The following TTC16 variants were observed in gnomAD, a reference collection of about 807,000 sequenced individuals.
The protein encoded by TTC16 is tetratricopeptide repeat protein 16.
Under a neutral mutation model 80.4 loss-of-function variants are expected in TTC16, and 66 were observed. That is an observed-to-expected ratio of 0.82 (90% confidence interval 0.67 to 1.01). The LOEUF (loss-of-function observed/expected upper bound fraction) is 1.01, where lower values mean the gene tolerates loss of function less well. Ranked by LOEUF, TTC16 falls within the 50% of genes least tolerant of loss-of-function variation. The pLI, the probability that TTC16 is intolerant of heterozygous loss-of-function variation, is 0.00. For missense variants in TTC16, 1,070 were observed against 1,103.2 expected (o/e 0.97, Z 0.43); for synonymous variants, 438 against 451.3 (o/e 0.97, Z 0.37).
chr9:127,719,633 C>G (rs1345897777), intron 4 of TTC16, among the ~76,000 whole-genome samples: 1 of 152,188 alleles, frequency 6.6e-6, no homozygotes, highest in Non-Finnish European at 1.5e-5. Flanking sequence ...GCTGGGATTA[C>G]AGGCATGCAC....
At chr9:127,723,536 C>T (rs1043519499) in intron 7 of TTC16, among the ~76,000 whole-genome samples, 10 of 152,244 alleles carry the variant, frequency 6.6e-5, no homozygotes, top group Admixed American at 6.5e-4. Context: ...ACACATGTCT[C>T]AGTTACCCCA....
rs557511727 is a variant in TTC16 at position 127,730,478 on chromosome 9, C to T, written c.1853-158C>T. On this transcript the variant is annotated intron_variant, in intron 13 of 13. Coordinates refer to ENST00000373289, the MANE Select transcript of TTC16 (RefSeq NM_144965.3). ...CAGCCCCACCCCTCAGGGTCTGGGT[C>T]GCTGGGGGCTGGGCGGGGGTGATCT... The T allele has an allele frequency of 2.5e-4, 273 of 1,098,634 alleles. 1 individual carries two copies. The highest frequency in any genetic ancestry group is 1.3e-3 in the Admixed American group (47 of 35,030). 68.1% of individuals were successfully genotyped at this position (1,098,634 alleles called of 1,614,324 possible). A position where few individuals can be genotyped will look rare whatever the true frequency, so the allele number is the denominator to read the frequency against.
At position 127,726,981 on chromosome 9, in the gene TTC16, G is replaced by T. The variant is rs754213184; in HGVS notation, c.1437G>T (p.Leu479=). The change falls in exon 11 of 14, where the codon CTG becomes CTT. Residue 479 remains leucine (L), a synonymous_variant. Coordinates refer to ENST00000373289, the MANE Select transcript of TTC16 (RefSeq NM_144965.3). ...CCCTTTCGTGGCAGCTGTCCCTGCT[G>T]ATGACCAACCTCTTCCCGGGCATGT... ...LNPKQPKLSL[L]MTNLFPGMSV... 6.2e-7 allele frequency: 1 copy of T among 1,613,244 alleles called. No homozygotes were observed. The highest frequency in any genetic ancestry group is 1.1e-5 in the South Asian group (1 of 91,076).
intron 11 of TTC16, 23 bp downstream of exon 11, chr9:127,727,135 C>G: frequency 6.4e-7 from 1 of 1,557,562 alleles, no homozygotes; most frequent in Non-Finnish European, 8.7e-7. Flanking sequence ...GCAAGGGGCA[C>G]AGGCCAGGGC....
intron 9 of TTC16, among the ~76,000 whole-genome samples, chr9:127,725,563 CAAAAAAA>C (rs34292919): frequency 5.2e-5 from 3 of 57,350 alleles, no homozygotes; most frequent in African/African-American, 7.5e-5. Context: ...GACTCCGTCT[CAAAAAAA>C]AAAAAAAAAA....
Position 127,729,343 on chromosome 9 carries a change from G to A in TTC16, c.1765-238G>A, listed in dbSNP as rs1564394344. The A allele has an allele frequency of 4.2e-5, 20 of 481,396 alleles. No homozygotes were observed. The East Asian group carries it at 6.9e-4, about 17-fold the overall frequency. 29.8% of individuals were successfully genotyped at this position (481,396 alleles called of 1,614,324 possible). A position where few individuals can be genotyped will look rare whatever the true frequency, so the allele number is the denominator to read the frequency against. ...CATTTTGCAGTTGAAAAAAACCAAG[G>A]CGCTAGCAGCTCCTTCAACACAACC... On this transcript the variant is annotated intron_variant, in intron 12 of 13. Transcript: ENST00000373289.
intron 13 of TTC16, chr9:127,730,337 A>T (rs1250033390): frequency 2.9e-5 from 13 of 442,896 alleles, no homozygotes; most frequent in Non-Finnish European, 4.4e-5. Flanking sequence ...AGGCGGGGGG[A>T]CGCAGGGGCC....
chr9:127,729,430 G>T, intron 12 of TTC16, 151 bp from the exon 13 acceptor site: 1 of 630,292 alleles, frequency 1.6e-6, no homozygotes, highest in Non-Finnish European at 2.8e-6. Flanking sequence ...CTTAGCCTCT[G>T]CGTGTCCCCA....
chr9:127,719,830 T>C (rs1300654578), intron 4 of TTC16, among the ~76,000 whole-genome samples: 1 of 152,198 alleles, frequency 6.6e-6, no homozygotes, highest in Non-Finnish European at 1.5e-5. Context: ...TTCTCTTTGT[T>C]CCTGAATCTC....
At chr9:127,724,691 G>A (rs1843777281) in intron 8 of TTC16, 65 bp from the exon 9 acceptor site, 7 of 1,563,670 alleles carry the variant, frequency 4.5e-6, no homozygotes, top group Non-Finnish European at 5.2e-6. Flanking sequence ...GGCTGGAGCC[G>A]GCTGGGCTGG....
intron 4 of TTC16, among the ~76,000 whole-genome samples, chr9:127,719,460 G>A (rs1293148801): frequency 1.3e-5 from 2 of 152,160 alleles, no homozygotes; most frequent in East Asian, 1.9e-4. Flanking sequence ...CAGCCTGTTT[G>A]TGTTAGTTCT....
Position 127,724,188 on chromosome 9 carries a change from T to C in TTC16, c.941T>C (p.Met314Thr), listed in dbSNP as rs1843722597. 6.2e-7 allele frequency: 1 copy of C among 1,613,144 alleles called. No homozygotes were observed. The highest frequency in any genetic ancestry group is 1.3e-5 in the African/African-American group (1 of 74,932). Reference sequence around the variant, plus strand: ...GAGGACTTCCTGAAGGTGCTGGACATGGTGACCGAGGACCAGGAGGACATG... The same window carrying C: ...GAGGACTTCCTGAAGGTGCTGGACACGGTGACCGAGGACCAGGAGGACATG... ...AVEDFLKVLD[M>T]VTEDQEDMVR... Residue 314 changes from methionine (M) to threonine (T), a missense_variant, in exon 8 of 14, where the codon ATG becomes ACG. Physicochemically the swap from Met to Thr is moderately conservative, Grantham distance 81 (BLOSUM62 -1). Coordinates refer to ENST00000373289, the MANE Select transcript of TTC16 (RefSeq NM_144965.3).
chr9:127,725,437 G>A lies in TTC16; in HGVS notation c.1259+540G>A, dbSNP rs914042572. ...AAATTAGCCGGGCGTCGTGGTGGGC[G>A]CCTATAGTCCCAGCTACTCGGGAGG... On this transcript the variant is annotated intron_variant, in intron 9 of 13. Transcript: ENST00000373289. Among the ~76,000 whole-genome samples the A allele has an allele frequency of 5.6e-3, 848 of 150,546 alleles. 11 individuals are homozygous for A. Among genetic ancestry groups the A allele is most frequent in the African/African-American group, 0.02 (810 of 41,084 alleles).
chr9:127,725,550 T>G (rs1843877050), intron 9 of TTC16, among the ~76,000 whole-genome samples: 1 of 92,916 alleles, frequency 1.1e-5, no homozygotes, highest in African/African-American at 4.6e-5. Context: ...GGTGACAGAG[T>G]GAGACTCCGT....
intron 10 of TTC16, among the ~76,000 whole-genome samples, 160 bp from the exon 11 acceptor site, chr9:127,726,810 A>C (rs1317605621): frequency 1.4e-4 from 3 of 21,362 alleles, no homozygotes; most frequent in East Asian, 9.5e-4. Context: ...AAAAAAAAAA[A>C]AAAAAAAAAA....
chr9:127,721,189 C>T (rs933130701), intron 6 of TTC16, among the ~76,000 whole-genome samples: 1 of 151,644 alleles, frequency 6.6e-6, no homozygotes, highest in African/African-American at 2.4e-5. Flanking sequence ...GGAGCCTCCA[C>T]CAGGTGTCCC....
intron 8 of TTC16, 115 bp from the exon 9 acceptor site, chr9:127,724,641 C>A: frequency 7.2e-7 from 1 of 1,386,064 alleles, no homozygotes; most frequent in Non-Finnish European, 9.6e-7. Flanking sequence ...GAGACTGCGG[C>A]GGGGGGTTAT....
At chr9:127,724,721 T>C (rs1843781734) in intron 8 of TTC16, 35 bp from the exon 9 acceptor site, 2 of 1,594,784 alleles carry the variant, frequency 1.3e-6, no homozygotes, top group South Asian at 1.1e-5. Flanking sequence ...GCACTGGGAG[T>C]TGGGGGTCCA....
Position 127,727,075 on chromosome 9 carries a change from G to A in TTC16, c.1531G>A (p.Gly511Ser). The A allele has an allele frequency of 1.2e-6, 2 of 1,611,058 alleles. No homozygotes were observed. Among genetic ancestry groups the A allele is most frequent in the Non-Finnish European group, 1.7e-6 (2 of 1,179,076 alleles). Residue 511 changes from glycine to serine, a missense_variant, in exon 11 of 14, where the codon GGC becomes AGC. Physicochemically the swap from Gly to Ser is moderately conservative, Grantham distance 56 (BLOSUM62 0). Transcript: ENST00000373289. ...GCTGCAGCTGGAGCAGATGGTGGAG[G>A]GCAGCCTGCAGGCCGGCAGCCCACA... The part of the protein sequence containing the change: ...ARLQLEQMVE[G>S]SLQAGSPQGI...
Sources: gnomAD v4.1 joint callset for allele counts (sites outside exome capture counted in the v4.1 genomes callset) on GRCh38, gnomAD v4.1.1 for gene constraint, MANE v1.5 for transcripts, NCBI Gene and HGNC (gene_info 2026-07-23, HGNC 2026-07-21) for gene names.